PLXNA2: variants seen among roughly 807,000 people sequenced by gnomAD.
The protein encoded by PLXNA2 is plexin-A2.
Under a neutral mutation model 193.5 loss-of-function variants are expected in PLXNA2, and 91 were observed. The observed-to-expected ratio is 0.47, with a 90% CI of 0.40 to 0.56. The LOEUF (loss-of-function observed/expected upper bound fraction) is 0.56, where lower values mean the gene tolerates loss of function less well. Among genes scored for constraint, PLXNA2 ranks in the 20% least tolerant of loss-of-function variants. The pLI is 0.00. For missense variants in PLXNA2, 1,995 were observed against 2,503.2 expected (o/e 0.80, Z 4.33); for synonymous variants, 997 against 1,027.3 (o/e 0.97, Z 0.56).
chr1:208,177,175 C>T (rs1461880173), intron 3 of PLXNA2, among the ~76,000 whole-genome samples: 1 of 152,168 alleles, frequency 6.6e-6, no homozygotes, highest in Non-Finnish European at 1.5e-5. Flanking sequence ...CAAGGAAAGG[C>T]TGTAACTGTT....
At chr1:208,195,202 C>G (rs1017027365) in intron 3 of PLXNA2, among the ~76,000 whole-genome samples, 10 of 152,174 alleles carry the variant, frequency 6.6e-5, no homozygotes, top group African/African-American at 2.4e-4. Context: ...GCAGCATGAG[C>G]TAGCAGGAGA....
chr1:208,054,657 C>A (rs1665369486), intron 13 of PLXNA2, 119 bp from the exon 14 acceptor site: 4 of 719,918 alleles, frequency 5.6e-6, no homozygotes, highest in Non-Finnish European at 9.9e-6. Context: ...CAGACCAAGA[C>A]TCAGCTTGGT....
At chr1:208,130,104 G>C (rs975280960) in intron 4 of PLXNA2, among the ~76,000 whole-genome samples, 8 of 152,160 alleles carry the variant, frequency 5.3e-5, no homozygotes, top group Non-Finnish European at 7.3e-5. Flanking sequence ...AGTCATAACT[G>C]GGGGGAACAA....
Position 208,217,044 on chromosome 1 carries a change from G to A in PLXNA2, c.879C>T (p.Tyr293=), listed in dbSNP as rs376703082. Residue 293 remains tyrosine (Y), a synonymous_variant, in exon 2 of 32, where the codon TAC becomes TAT. Coordinates refer to ENST00000367033, the MANE Select transcript of PLXNA2 (RefSeq NM_025179.4). The surrounding 1 kb of genome is among the most constrained non-coding windows in gnomAD (Gnocchi z 4.7). ...GGGTGCAGCCGAAGGGCAGGGACAC[G>A]TATGAGTGGAACTTGGGGTCATCCT... ...LCKDDPKFHS[Y]VSLPFGCTRA... 2.6e-5 allele frequency: 42 copies of A among 1,613,046 alleles called. No homozygotes were observed. Among genetic ancestry groups the A allele is most frequent in the South Asian group, 1.3e-4 (12 of 91,056 alleles).
At chr1:208,166,312 C>A (rs533083695) in intron 3 of PLXNA2, among the ~76,000 whole-genome samples, 1 of 152,312 alleles carries the variant, frequency 6.6e-6, no homozygotes, top group African/African-American at 2.4e-5. Flanking sequence ...TGGCTTGGAC[C>A]TAAGGCAGCC....
intron 1 of PLXNA2, among the ~76,000 whole-genome samples, chr1:208,232,983 T>C (rs1336795410): frequency 6.6e-6 from 1 of 152,238 alleles, no homozygotes; most frequent in Non-Finnish European, 1.5e-5. Context: ...TCAGCTACGA[T>C]ACCTTTCTGC....
chr1:208,094,547 C>T (rs1372517491), intron 8 of PLXNA2, among the ~76,000 whole-genome samples: 1 of 152,106 alleles, frequency 6.6e-6, no homozygotes, highest in South Asian at 2.1e-4. Context: ...TAAGATTGCT[C>T]TCACAAACAA....
intron 12 of PLXNA2, 48 bp from the exon 13 acceptor site, chr1:208,060,885 GA>G: frequency 3.2e-6 from 5 of 1,584,830 alleles, no homozygotes; most frequent in Non-Finnish European, 3.5e-6. Flanking sequence ...CACAGGAACA[GA>G]AACAGCAGCA....
At chr1:208,096,357 A>T (rs1338147584) in intron 7 of PLXNA2, among the ~76,000 whole-genome samples, 2 of 152,118 alleles carry the variant, frequency 1.3e-5, no homozygotes, top group Non-Finnish European at 2.9e-5. Context: ...GAAGAAGCAG[A>T]TTCCACGGAG....
chr1:208,211,560 G>A (rs1558246837), intron 2 of PLXNA2, among the ~76,000 whole-genome samples: 2 of 152,188 alleles, frequency 1.3e-5, no homozygotes, highest in African/African-American at 2.4e-5. Context: ...AGGCGTGGTG[G>A]TGTGTGCCTG....
At chr1:208,187,000 C>T (rs1250466259) in intron 3 of PLXNA2, among the ~76,000 whole-genome samples, 4 of 152,054 alleles carry the variant, frequency 2.6e-5, no homozygotes, top group South Asian at 2.1e-4. Flanking sequence ...GGATTACAGG[C>T]GTGAGCCACC....
At chr1:208,191,024 A>C (rs1670161216) in intron 3 of PLXNA2, among the ~76,000 whole-genome samples, 1 of 152,210 alleles carries the variant, frequency 6.6e-6, no homozygotes, top group Non-Finnish European at 1.5e-5. Context: ...GAGGGAGGCT[A>C]TGAGCTAAGT....
chr1:208,113,157 T>A (rs1667539345), intron 4 of PLXNA2, among the ~76,000 whole-genome samples: 1 of 152,130 alleles, frequency 6.6e-6, no homozygotes, highest in South Asian at 2.1e-4. Flanking sequence ...AACAGACCTC[T>A]CATCTGGGGA....
In PLXNA2 at chr1:208,236,718, A is replaced by G. The variant is rs1261928773; in HGVS notation, c.-81+6925T>C. Among the ~76,000 whole-genome samples, 1 of 152,222 alleles carries G rather than the reference A, an allele frequency of 6.6e-6. No individual in the cohort carries two copies. The highest frequency in any genetic ancestry group is 1.9e-4 in the East Asian group (1 of 5,198). On this transcript the variant is annotated intron_variant, in intron 1 of 31. Transcript: ENST00000367033. The surrounding 1 kb of genome is among the most constrained non-coding windows in gnomAD (Gnocchi z 4.4). ...TCCTCATCCAAAGCCCTGTTCCACCACCAGAGCAGAAGCGGAAATGACGGC... is the reference window on the plus strand; with the variant it reads ...TCCTCATCCAAAGCCCTGTTCCACCGCCAGAGCAGAAGCGGAAATGACGGC...
At chr1:208,216,584 G>A (rs539048640) in intron 2 of PLXNA2, 151 bp downstream of exon 2, 34 of 812,224 alleles carry the variant, frequency 4.2e-5, no homozygotes, top group Non-Finnish European at 5.9e-5. Context: ...AAGACCCTGC[G>A]TTATTGGTTA....
intron 28 of PLXNA2, 66 bp downstream of exon 28, chr1:208,033,253 T>A: frequency 3.5e-6 from 5 of 1,410,720 alleles, no homozygotes; most frequent in Non-Finnish European, 4.9e-6. Context: ...ATCCTTTCTG[T>A]GTTGTGGAGG....
intron 3 of PLXNA2, among the ~76,000 whole-genome samples, chr1:208,188,460 G>A (rs1670074611): frequency 6.6e-6 from 1 of 152,174 alleles, no homozygotes; most frequent in African/African-American, 2.4e-5. Context: ...TGTAATCCCA[G>A]CACTTTGGGA....
At chr1:208,187,910 C>T (rs532220416) in intron 3 of PLXNA2, among the ~76,000 whole-genome samples, 2 of 152,304 alleles carry the variant, frequency 1.3e-5, no homozygotes, top group South Asian at 4.1e-4. Context: ...AATTGCCCCA[C>T]GATCCTGTGA....
rs138665170 is a variant in PLXNA2, at chr1:208,027,330, C to T, written c.5598G>A (p.Gly1866=). 1.2e-6 allele frequency: 2 copies of T among 1,612,688 alleles called. No homozygotes were observed. The highest frequency in any genetic ancestry group is 1.7e-5 in the Admixed American group (1 of 60,008). ...YVSKYSEELI[G]ALEQDEQARR... Reference sequence around the variant, plus strand: ...GTGCCTGCTCATCCTGCTCTAGGGCCCCGATGAGCTGAGGAGCAAAAACAA... The same window carrying T: ...GTGCCTGCTCATCCTGCTCTAGGGCTCCGATGAGCTGAGGAGCAAAAACAA... Residue 1866 remains glycine, a synonymous_variant, in exon 32 of 32, where the codon GGG becomes GGA. Coordinates refer to ENST00000367033, the MANE Select transcript of PLXNA2 (RefSeq NM_025179.4).
Sources: gnomAD v4.1 joint callset for allele counts (sites outside exome capture counted in the v4.1 genomes callset) on GRCh38, gnomAD v4.1.1 for gene constraint, Gnocchi (gnomAD v3.1) non-coding constraint, MANE v1.5 for transcripts, NCBI Gene and HGNC (gene_info 2026-07-23, HGNC 2026-07-21) for gene names.